The following CDH18 variants were observed in gnomAD, a reference collection of about 807,000 sequenced individuals.
CDH18 encodes the protein cadherin 18.
Under a neutral mutation model 67.9 loss-of-function variants are expected in CDH18, and 31 were observed. The observed-to-expected ratio is 0.46, with a 90% CI of 0.34 to 0.62. The LOEUF (loss-of-function observed/expected upper bound fraction) is 0.62, where lower values mean the gene tolerates loss of function less well. Among genes scored for constraint, CDH18 ranks in the 20% least tolerant of loss-of-function variants. The pLI, the probability that CDH18 is intolerant of heterozygous loss-of-function variation, is 0.01. For missense variants in CDH18, 890 were observed against 975.5 expected, an observed-to-expected ratio of 0.91 and a Z score of 1.17; for synonymous variants, 362 against 347.2, an observed-to-expected ratio of 1.04 and a Z score of -0.48.
At chr5:19,737,838 G>A (rs747287398) in intron 4 of CDH18, among the ~76,000 whole-genome samples, 7 of 152,108 alleles carry the variant, frequency 4.6e-5, no homozygotes, top group Non-Finnish European at 1.0e-4. Context: ...AACATCGACT[G>A]ATTAATATTT....
chr5:20,218,011 C>T (rs1026204463), intron 2 of CDH18, among the ~76,000 whole-genome samples: 1 of 151,624 alleles, frequency 6.6e-6, no homozygotes, highest in Non-Finnish European at 1.5e-5. Context: ...ACTGAAGCAC[C>T]CAGATATGCA....
chr5:20,191,116 A>G (rs1738501445), intron 2 of CDH18, among the ~76,000 whole-genome samples: 1 of 152,110 alleles, frequency 6.6e-6, no homozygotes, highest in Admixed American at 6.6e-5. Context: ...TAATTTAAGG[A>G]TTTTTAATGA....
intron 12 of CDH18, among the ~76,000 whole-genome samples, chr5:19,474,047 A>T (rs966882935): frequency 5.9e-5 from 9 of 152,186 alleles, no homozygotes; most frequent in African/African-American, 2.2e-4. Flanking sequence ...TAAACACATG[A>T]TGAAAAAATA....
At chr5:20,472,009 T>C in intron 1 of CDH18, among the ~76,000 whole-genome samples, 1 of 748 alleles carries the variant, frequency 1.3e-3, no homozygotes, top group Admixed American at 0.011. Flanking sequence ...GAAGTTTAGG[T>C]ATCAGATGTT....
chr5:20,220,889 T>C (rs1266392813), intron 2 of CDH18, among the ~76,000 whole-genome samples: 1 of 151,982 alleles, frequency 6.6e-6, no homozygotes, highest in African/African-American at 2.4e-5. Context: ...TCACTGATCA[T>C]CAGAAAAATT....
chr5:20,240,411 T>C (rs1481795247), intron 2 of CDH18, among the ~76,000 whole-genome samples: 1 of 152,162 alleles, frequency 6.6e-6, no homozygotes, highest in Non-Finnish European at 1.5e-5. Flanking sequence ...AAATTTATTT[T>C]CTAAATTTTA....
At chr5:20,029,443 A>C (rs1206188289) in intron 2 of CDH18, among the ~76,000 whole-genome samples, 2 of 152,196 alleles carry the variant, frequency 1.3e-5, no homozygotes, top group Admixed American at 1.3e-4. Flanking sequence ...AACATGTAAA[A>C]TGCTTGGCCG....
rs528637944 is a variant in CDH18, at chr5:19,908,947, G to A, written c.-256-69705C>T. On this transcript the variant is annotated intron_variant, in intron 2 of 12. Transcript: ENST00000382275. The stretch of plus-strand genomic sequence containing the variant: ...AGTGGATAAGAGCCAAACTTTTGGA[G>A]TCAGTTGGTCAGACTTGATTTCATA... Among the ~76,000 whole-genome samples, 12 of 152,254 alleles carry A rather than the reference G, an allele frequency of 7.9e-5. No homozygotes were observed. In the South Asian group the frequency reaches 2.3e-3, roughly 29 times the overall value.
At chr5:19,645,695 G>A (rs2150242685) in intron 5 of CDH18, among the ~76,000 whole-genome samples, 1 of 152,196 alleles carries the variant, frequency 6.6e-6, no homozygotes, top group East Asian at 1.9e-4. Context: ...ACGTCCTAAG[G>A]CAGAAAGGAA....
At chr5:20,502,820 G>A (rs940678560) in intron 1 of CDH18, among the ~76,000 whole-genome samples, 11 of 152,054 alleles carry the variant, frequency 7.2e-5, no homozygotes, top group Admixed American at 5.9e-4. Context: ...CATTTATAAA[G>A]GAGAATTGGC....
chr5:20,443,718 C>G (rs569699774), intron 1 of CDH18, among the ~76,000 whole-genome samples: 1 of 151,842 alleles, frequency 6.6e-6, no homozygotes, highest in Non-Finnish European at 1.5e-5. Context: ...TATACACTTA[C>G]AATACTTGTC....
intron 6 of CDH18, among the ~76,000 whole-genome samples, chr5:19,602,497 G>T (rs1339885820): frequency 6.6e-6 from 1 of 151,290 alleles, no homozygotes; most frequent in Admixed American, 6.6e-5. Context: ...CTTTTAAATA[G>T]GCAAAGAACT....
chr5:19,686,464 C>T (rs914835541), intron 5 of CDH18, among the ~76,000 whole-genome samples: 2 of 152,058 alleles, frequency 1.3e-5, no homozygotes, highest in Admixed American at 6.6e-5. Context: ...AGTTGGAACA[C>T]CAGATATGGA....
intron 5 of CDH18, among the ~76,000 whole-genome samples, chr5:19,681,085 A>C (rs1023968264): frequency 5.3e-5 from 8 of 152,064 alleles, no homozygotes; most frequent in Admixed American, 3.3e-4. Flanking sequence ...TGCCACCTTA[A>C]AAAGAACAAG....
chr5:19,795,821 T>C (rs943469022), intron 3 of CDH18, among the ~76,000 whole-genome samples: 2 of 152,120 alleles, frequency 1.3e-5, no homozygotes, highest in African/African-American at 4.8e-5. Context: ...TTTATAAAAA[T>C]GCTTCATTAA....
intron 5 of CDH18, among the ~76,000 whole-genome samples, chr5:19,625,829 C>A (rs1223224396): frequency 1.3e-5 from 2 of 152,062 alleles, no homozygotes; most frequent in Non-Finnish European, 2.9e-5. Flanking sequence ...CCTGGCCCCT[C>A]CTTTTCCTGG....
At chr5:19,812,074 C>G (rs1357582526) in intron 3 of CDH18, among the ~76,000 whole-genome samples, 2 of 151,954 alleles carry the variant, frequency 1.3e-5, no homozygotes, top group Non-Finnish European at 2.9e-5. Flanking sequence ...AAACAAAATG[C>G]TAGACAAAAA....
rs892056332 is a variant in CDH18 at position 19,776,361 on chromosome 5, T to C, written c.229-29125A>G. Among the ~76,000 whole-genome samples the C allele has an allele frequency of 5.9e-5, 9 of 152,288 alleles. No homozygotes were observed. The South Asian group carries it at 1.2e-3, about 21-fold the overall frequency. On this transcript the variant is annotated intron_variant, in intron 3 of 12. Coordinates refer to ENST00000382275, the MANE Select transcript of CDH18 (RefSeq NM_004934.5). Reference sequence around the variant, plus strand: ...TACATTCTTTATGCAAGGAGGACAATTGGCAAGAGTGGGAATACAGGAAGA... The same window carrying C: ...TACATTCTTTATGCAAGGAGGACAACTGGCAAGAGTGGGAATACAGGAAGA...
chr5:19,933,682 A>G (rs77981152), intron 2 of CDH18, among the ~76,000 whole-genome samples: 6,078 of 151,580 alleles, frequency 0.04, 206 homozygotes, highest in East Asian at 0.16. Flanking sequence ...CATTATGACC[A>G]AATAGGAGGA....
Sources: allele counts gnomAD v4.1 joint callset (sites outside exome capture counted in the v4.1 genomes callset), GRCh38; gene constraint gnomAD v4.1.1; transcripts MANE v1.5; gene names NCBI Gene and HGNC (gene_info 2026-07-23, HGNC 2026-07-21).